Variants in FMO5 observed in about 807,000 individuals in gnomAD.
FMO5 encodes the protein flavin-containing monooxygenase 5.
FMO5 carries 51 observed loss-of-function variants against 43.6 expected under a neutral mutation model. That is an observed-to-expected ratio of 1.17 (90% CI 0.93 to 1.48). FMO5 has a LOEUF of 1.48. Among genes scored for constraint, FMO5 ranks in the 40% most tolerant of loss-of-function variants. The pLI, the probability that FMO5 is intolerant of heterozygous loss-of-function variation, is 0.00. For missense variants in FMO5, 644 were observed against 643.0 expected, an observed-to-expected ratio of 1.00 and a Z score of -0.02; for synonymous variants, 187 against 216.5, an observed-to-expected ratio of 0.86 and a Z score of 1.20.
At chr1:147,204,355 T>A (rs782191947) in intron 6 of FMO5, 41 of 1,019,818 alleles carry the variant, frequency 4.0e-5, no homozygotes, top group Middle Eastern at 2.0e-4. Context: ...ATGGCCAGAA[T>A]CAGGAAAAAT....
At chr1:147,185,652 T>C (rs1475667967), downstream of FMO5, among the ~76,000 whole-genome samples, 1 of 152,222 alleles carries the variant, frequency 6.6e-6, no homozygotes, top group Admixed American at 6.5e-5. Context: ...AATGTTGGTC[T>C]TTTCCATTGT....
At chr1:147,226,787 T>C (rs782042326), upstream of FMO5, among the ~76,000 whole-genome samples, 24 of 152,132 alleles carry the variant, frequency 1.6e-4, no homozygotes, top group Non-Finnish European at 2.8e-4. Flanking sequence ...GTTGTATTTA[T>C]AGCAACTTAG....
intron 2 of FMO5, among the ~76,000 whole-genome samples, chr1:147,216,414 T>G (rs1662004280): frequency 6.6e-6 from 1 of 152,032 alleles, no homozygotes; most frequent in Non-Finnish European, 1.5e-5. Context: ...TAACACTGAG[T>G]AATAGTCTTT....
At chr1:147,213,015 C>A (rs1553924064) in intron 4 of FMO5, among the ~76,000 whole-genome samples, 2 of 151,980 alleles carry the variant, frequency 1.3e-5, no homozygotes, top group East Asian at 3.9e-4. Context: ...ATTCCTTATT[C>A]TACCTAATGC....
intron 8 of FMO5, among the ~76,000 whole-genome samples, chr1:147,188,306 T>G (rs587612757): frequency 5.5e-4 from 83 of 151,954 alleles, no homozygotes; most frequent in Non-Finnish European, 1.1e-3. Flanking sequence ...GCGGATCACT[T>G]TGAGCTCAGG....
intron 5 of FMO5, chr1:147,209,961 G>C (rs1266684291): frequency 4.6e-5 from 7 of 152,164 alleles, no homozygotes; most frequent in Admixed American, 4.6e-4. Context: ...CTTCAAATGT[G>C]TTTTCTCAAG....
intron 6 of FMO5, among the ~76,000 whole-genome samples, chr1:147,205,576 C>A (rs587684110): frequency 1.3e-5 from 2 of 152,138 alleles, no homozygotes; most frequent in Admixed American, 1.3e-4. Flanking sequence ...TTATATAGAC[C>A]AATGGAACAG....
Position 147,186,901 on chromosome 1 carries a change from T to C in FMO5, c.1601A>G (p.Ter534TrpextTer85). 1 of 1,610,354 alleles carries C rather than the reference T, an allele frequency of 6.2e-7. No individual in the cohort carries two copies. The highest frequency in any genetic ancestry group is 8.5e-7 in the Non-Finnish European group (1 of 1,178,266). Residue 534 changes from the stop codon to tryptophan, a stop_lost, in exon 9 of 9, where the codon TAG becomes TGG. Coordinates refer to ENST00000254090, the MANE Select transcript of FMO5 (RefSeq NM_001461.4). The part of the protein sequence containing the change: ...AFFAIIIAYF[*>W] ...AACAGGGCAGTGACAATAGGACAAC[T>C]AGAAGTAAGCTATAATTATAGCAAA...
Position 147,201,233 on chromosome 1 carries a change from T to G in FMO5, c.1102A>C (p.Ile368Leu), listed in dbSNP as rs148940888. The change falls in exon 7 of 9, where the codon ATC becomes CTC. Residue 368 changes from isoleucine to leucine, a missense_variant. By Grantham distance (5) the Ile-to-Leu change is conservative. Coordinates refer to ENST00000254090, the MANE Select transcript of FMO5 (RefSeq NM_001461.4). ...CCTAAGGGCTGAATCAAGCCTATGATTGCAAGAGTTGGCCTTTCCAGGTTA... is the reference window on the plus strand; with the variant it reads ...CCTAAGGGCTGAATCAAGCCTATGAGTGCAAGAGTTGGCCTTTCCAGGTTA... ...PPNLERPTLA[I>L]IGLIQPLGAI... 336 of 1,614,164 alleles carry G rather than the reference T, an allele frequency of 2.1e-4. No individual in the cohort carries two copies. Among genetic ancestry groups the G allele is most frequent in the Non-Finnish European group, 2.8e-4 (331 of 1,180,018 alleles).
chr1:147,200,471 C>G (rs1553920629), intron 7 of FMO5, among the ~76,000 whole-genome samples: 12 of 152,074 alleles, frequency 7.9e-5, no homozygotes. Flanking sequence ...TAGGTGTGGT[C>G]TGGCCAGTTT....
chr1:147,224,450 A>G (rs1663635384), intron 2 of FMO5: 1 of 158,972 alleles, frequency 6.3e-6, no homozygotes, highest in South Asian at 1.8e-4. Context: ...AATGCATGTC[A>G]GTTTGGAGAT....
chr1:147,223,805 C>A (rs1663490029), intron 2 of FMO5: 1 of 274,798 alleles, frequency 3.6e-6, no homozygotes, highest in Non-Finnish European at 7.1e-6. Flanking sequence ...ACCAGTTCAC[C>A]CAGGCTTCGC....
At chr1:147,226,298 T>G (rs983622863), upstream of FMO5, among the ~76,000 whole-genome samples, 8 of 152,050 alleles carry the variant, frequency 5.3e-5, no homozygotes, top group African/African-American at 1.9e-4. Flanking sequence ...TCTACACTTC[T>G]GGAAGAAATT....
intron 1 of FMO5, 99 bp downstream of exon 1, chr1:147,225,188 G>A (rs782091500): frequency 2.7e-6 from 4 of 1,462,842 alleles, no homozygotes; most frequent in Non-Finnish European, 3.6e-6. Context: ...CAGATTCGAC[G>A]GTCCTCTTCA....
intron 5 of FMO5, chr1:147,209,817 T>A (rs587697725): frequency 6.6e-6 from 1 of 152,320 alleles, no homozygotes; most frequent in Non-Finnish European, 1.5e-5. Context: ...ACTGGTAAAG[T>A]TGAAAGCAGC....
chr1:147,207,863 C>T (rs1198185987), intron 6 of FMO5, among the ~76,000 whole-genome samples: 1 of 152,156 alleles, frequency 6.6e-6, no homozygotes, highest in Non-Finnish European at 1.5e-5. Context: ...ATCCCTGGGT[C>T]AGGAGGTAAT....
chr1:147,223,113 A>T (rs1663344629), intron 2 of FMO5, among the ~76,000 whole-genome samples: 1 of 152,222 alleles, frequency 6.6e-6, no homozygotes, highest in Admixed American at 6.5e-5. Context: ...AGAGAAGCTT[A>T]ATGATGTGCC....
intron 2 of FMO5, among the ~76,000 whole-genome samples, chr1:147,218,856 T>TA (rs1184851050): frequency 6.6e-6 from 1 of 152,222 alleles, no homozygotes; most frequent in African/African-American, 2.4e-5. Context: ...TTACATCAAA[T>TA]GTCACTTCCT....
At chr1:147,195,395 G>C (rs1553919599) in intron 7 of FMO5, among the ~76,000 whole-genome samples, 1 of 151,894 alleles carries the variant, frequency 6.6e-6, no homozygotes, top group Non-Finnish European at 1.5e-5. Context: ...TGCATCCCAA[G>C]GTGCTGGGAT....
Sources: gnomAD v4.1 joint callset for allele counts (sites outside exome capture counted in the v4.1 genomes callset) on GRCh38, gnomAD v4.1.1 for gene constraint, MANE v1.5 for transcripts, NCBI Gene and HGNC (gene_info 2026-07-23, HGNC 2026-07-21) for gene names.